Variants in PTPRD observed in about 807,000 individuals in gnomAD.
The protein encoded by PTPRD is receptor-type tyrosine-protein phosphatase delta.
In PTPRD, 34 loss-of-function variants were observed where a neutral mutation model predicts 214.5. That is an observed-to-expected ratio of 0.16 (90% CI 0.12 to 0.21). The LOEUF (loss-of-function observed/expected upper bound fraction) is 0.21. PTPRD is among the 10% of genes least tolerant of loss of function. The pLI, the probability that PTPRD is intolerant of heterozygous loss-of-function variation, is 1.00. For missense variants in PTPRD, 2,545 were observed against 2,398.7 expected (o/e 1.06, Z -1.27); for synonymous variants, 1,128 against 845.7 (o/e 1.33, Z -5.79).
chr9:9,998,115 TAAAAA>T lies in PTPRD; in HGVS notation c.-472+35598_-472+35602del, dbSNP rs1158744931. Among the ~76,000 whole-genome samples the T allele has an allele frequency of 9.5e-5, 10 of 105,796 alleles. 1 individual carries two copies. Among genetic ancestry groups the T allele is most frequent in the African/African-American group, 3.7e-4 (9 of 24,466 alleles). 69.4% of individuals were successfully genotyped at this position (105,796 alleles called of 152,430 possible). On this transcript the variant is annotated intron_variant, in intron 4 of 45. Transcript: ENST00000381196. ...ATGTACCCTAGAACTTAAAGTATAA[TAAAAA>T]AAAAAAAAAATATATATATATATAT...
At chr9:8,761,608 T>G (rs960904915) in intron 11 of PTPRD, among the ~76,000 whole-genome samples, 32 of 152,154 alleles carry the variant, frequency 2.1e-4, no homozygotes, top group Admixed American at 2.0e-3. Flanking sequence ...CAAATGTGTC[T>G]CCTAAGGAGT....
intron 11 of PTPRD, among the ~76,000 whole-genome samples, chr9:8,841,829 T>A (rs929272191): frequency 6.6e-6 from 1 of 151,886 alleles, no homozygotes. Context: ...CTGGCCAACA[T>A]GGTGAACCCC....
intron 3 of PTPRD, among the ~76,000 whole-genome samples, chr9:10,067,125 G>A (rs1025553318): frequency 4.0e-5 from 6 of 151,796 alleles, no homozygotes; most frequent in African/African-American, 1.5e-4. Context: ...GATAAAATTG[G>A]GATTGCAGTG....
Position 9,328,618 on chromosome 9 carries a change from C to CTTTTTTTTTTTTTTTTTTTTTTTTTT in PTPRD, c.-203+68805_-203+68830dup, listed in dbSNP as rs869076374. 1.2e-3 allele frequency among the ~76,000 whole-genome samples: 33 copies of CTTTTTTTTTTTTTTTTTTTTTTTTTT among 28,230 alleles called. 13 individuals are homozygous for CTTTTTTTTTTTTTTTTTTTTTTTTTT. Among genetic ancestry groups the CTTTTTTTTTTTTTTTTTTTTTTTTTT allele is most frequent in the Non-Finnish European group, 1.9e-3 (30 of 15,454 alleles). The allele number at this position is 28,230 out of a possible 152,430, so 18.5% of individuals were successfully genotyped here. Reference sequence around the variant, plus strand: ...ACATTTTCTTTTGTTGTTGTTCTTGCTTTTTTTTTTTTTTTTTTTTTTTTT... The same window carrying CTTTTTTTTTTTTTTTTTTTTTTTTTT: ...ACATTTTCTTTTGTTGTTGTTCTTGCTTTTTTTTTTTTTTTTTTTTTTTTTTTTTTTTTTTTTTTTTTTTTTTTTTT... On this transcript the variant is annotated intron_variant, in intron 9 of 45. Coordinates refer to ENST00000381196, the MANE Select transcript of PTPRD (RefSeq NM_002839.4).
At chr9:8,696,989 T>G (rs1382876973) in intron 12 of PTPRD, among the ~76,000 whole-genome samples, 2 of 152,154 alleles carry the variant, frequency 1.3e-5, no homozygotes, top group East Asian at 3.8e-4. Flanking sequence ...AAAAATCAAA[T>G]GGGTTACAAA....
chr9:9,475,933 G>A (rs777769996), intron 8 of PTPRD, among the ~76,000 whole-genome samples: 1 of 152,018 alleles, frequency 6.6e-6, no homozygotes, highest in Non-Finnish European at 1.5e-5. Flanking sequence ...TTCACACATT[G>A]TAGGGATTAT....
chr9:10,164,211 G>C (rs926745382), intron 3 of PTPRD, among the ~76,000 whole-genome samples: 2 of 151,260 alleles, frequency 1.3e-5, no homozygotes, highest in African/African-American at 2.4e-5. Context: ...ATATCTTCAG[G>C]TTTTCATTTC....
At chr9:8,756,629 T>A (rs551308844) in intron 11 of PTPRD, among the ~76,000 whole-genome samples, 40 of 152,150 alleles carry the variant, frequency 2.6e-4, no homozygotes, top group Admixed American at 1.6e-3. Context: ...GGAATTAAGG[T>A]CCAATCACCA....
intron 4 of PTPRD, among the ~76,000 whole-genome samples, chr9:10,002,623 T>A (rs776848156): frequency 6.6e-6 from 1 of 150,804 alleles, no homozygotes. Context: ...AAATGGTCAC[T>A]CTTTAAGGAA....
At chr9:10,219,352 G>A (rs1179001082) in intron 3 of PTPRD, among the ~76,000 whole-genome samples, 4 of 151,920 alleles carry the variant, frequency 2.6e-5, no homozygotes, top group African/African-American at 7.2e-5. Flanking sequence ...CTCCACACCT[G>A]CTCTTACAGA....
chr9:8,558,541 C>G (rs1161633762), intron 14 of PTPRD, among the ~76,000 whole-genome samples: 4 of 152,162 alleles, frequency 2.6e-5, no homozygotes, highest in African/African-American at 7.2e-5. Flanking sequence ...ATGGAGAGAG[C>G]TCAGAAACAG....
chr9:9,806,218 T>C (rs747518023), intron 5 of PTPRD, among the ~76,000 whole-genome samples: 35 of 151,938 alleles, frequency 2.3e-4, no homozygotes, highest in African/African-American at 5.6e-4. Flanking sequence ...CATCAGAAGA[T>C]GGTCAGGCCG....
At chr9:9,860,832 G>A (rs948449554) in intron 5 of PTPRD, among the ~76,000 whole-genome samples, 22 of 152,140 alleles carry the variant, frequency 1.4e-4, no homozygotes, top group Non-Finnish European at 2.5e-4. Flanking sequence ...TATCACCAAA[G>A]CACAAAACAG....
chr9:10,447,929 G>C (rs1439272419), intron 2 of PTPRD, among the ~76,000 whole-genome samples: 2 of 152,024 alleles, frequency 1.3e-5, no homozygotes, highest in African/African-American at 2.4e-5. Flanking sequence ...TGAGAATATT[G>C]AGAATAATCA....
In PTPRD at chr9:9,246,916, A is replaced by C. The variant is rs552253967; in HGVS notation, c.-202-63553T>G. Among the ~76,000 whole-genome samples, 3 of 152,158 alleles carry C rather than the reference A, an allele frequency of 2.0e-5. No homozygotes were observed. In the South Asian group the frequency reaches 6.2e-4, roughly 32 times the overall value. On this transcript the variant is annotated intron_variant, in intron 9 of 45. Coordinates refer to ENST00000381196, the MANE Select transcript of PTPRD (RefSeq NM_002839.4). ...TGCTGAGTAATTTGAGCCACAGTAC[A>C]TTGGAAGGTCTCAGAAGCAACTTCA...
chr9:10,286,985 C>T (rs576852446), intron 3 of PTPRD, among the ~76,000 whole-genome samples: 1 of 152,116 alleles, frequency 6.6e-6, no homozygotes, highest in Admixed American at 6.6e-5. Flanking sequence ...GTAAGGTTAG[C>T]GAACTTGAAA....
intron 7 of PTPRD, among the ~76,000 whole-genome samples, chr9:9,705,043 T>A (rs2097573124): frequency 6.6e-6 from 1 of 152,170 alleles, no homozygotes; most frequent in African/African-American, 2.4e-5. Context: ...TGCCATCCCC[T>A]CCTTTTCTTT....
intron 38 of PTPRD, 64 bp from the exon 39 acceptor site, chr9:8,376,154 CAGG>C: frequency 5.1e-6 from 8 of 1,577,960 alleles, no homozygotes; most frequent in Non-Finnish European, 6.9e-6. Context: ...TGATGAATAA[CAGG>C]GAAGAGGTAA....
intron 5 of PTPRD, among the ~76,000 whole-genome samples, chr9:9,882,000 C>T (rs1308568722): frequency 6.6e-6 from 1 of 152,008 alleles, no homozygotes; most frequent in Non-Finnish European, 1.5e-5. Flanking sequence ...CAATTTCCAC[C>T]ATGGATTGTA....
Sources: allele counts gnomAD v4.1 joint callset (sites outside exome capture counted in the v4.1 genomes callset), GRCh38; gene constraint gnomAD v4.1.1; transcripts MANE v1.5; gene names NCBI Gene and HGNC (gene_info 2026-07-23, HGNC 2026-07-21).